ASH1L: variants seen among roughly 807,000 people sequenced by gnomAD.
ASH1L encodes histone-lysine N-methyltransferase ASH1L.
A neutral mutation model predicts 269.0 loss-of-function variants in ASH1L; 23 were observed. The observed-to-expected ratio is 0.09, with a 90% CI of 0.06 to 0.12. The LOEUF (loss-of-function observed/expected upper bound fraction) is 0.12, where lower values mean the gene tolerates loss of function less well. Ranked by LOEUF, ASH1L falls within the 10% of genes least tolerant of loss-of-function variation. ASH1L has a pLI of 1.00. For missense variants in ASH1L, 2,912 were observed against 3,567.8 expected (o/e 0.82, Z 4.68); for synonymous variants, 1,187 against 1,253.5 (o/e 0.95, Z 1.12).
intron 5 of ASH1L, chr1:155,434,011 G>T (rs1332064067): frequency 1.3e-6 from 2 of 1,589,606 alleles, no homozygotes; most frequent in Non-Finnish European, 1.7e-6. Context: ...TCCGAGTGTG[G>T]TTCTGTAACC....
chr1:155,464,316 CCAT>C (rs1299515388), intron 3 of ASH1L, among the ~76,000 whole-genome samples: 1 of 152,100 alleles, frequency 6.6e-6, no homozygotes, highest in East Asian at 1.9e-4. Flanking sequence ...CAAAGAGTTC[CCAT>C]CATTTTTCAT....
chr1:155,505,440 A>T (rs1056938173), intron 2 of ASH1L, among the ~76,000 whole-genome samples: 3 of 152,222 alleles, frequency 2.0e-5, no homozygotes, highest in Non-Finnish European at 4.4e-5. Flanking sequence ...GTGGAAAAAC[A>T]AATCAAAGAA....
At chr1:155,341,125 C>T (rs991885303) in intron 25 of ASH1L, among the ~76,000 whole-genome samples, 1 of 151,680 alleles carries the variant, frequency 6.6e-6, no homozygotes, top group Admixed American at 6.6e-5. Context: ...GTGCGCGCCA[C>T]CACACCTGGC....
In ASH1L at chr1:155,453,121, G is replaced by A. The variant is rs894555217; in HGVS notation, c.5086+6676C>T. 3.3e-5 allele frequency among the ~76,000 whole-genome samples: 5 copies of A among 152,194 alleles called. No individual in the cohort carries two copies. In the East Asian group the frequency reaches 5.8e-4, roughly 18 times the overall value. ...TGAAATCCCAGCACTTTGGGGGGCC[G>A]AGGCAGGCAGATCATCTGTGGTTAG... On this transcript the variant is annotated intron_variant, in intron 4 of 27. Transcript: ENST00000392403.
In ASH1L at chr1:155,348,481, T is replaced by C. The variant is rs972082651; in HGVS notation, c.7555-577A>G. Among the ~76,000 whole-genome samples the C allele has an allele frequency of 4.6e-5, 7 of 152,084 alleles. No individual in the cohort carries two copies. The East Asian group carries it at 5.8e-4, about 13-fold the overall frequency. On this transcript the variant is annotated intron_variant, in intron 19 of 27. Transcript: ENST00000392403. ...ATAATTTCCTCTCTTCTATGCACCATACAATAGTCCATCCTGTCCTTTAAA... is the reference window on the plus strand; with the variant it reads ...ATAATTTCCTCTCTTCTATGCACCACACAATAGTCCATCCTGTCCTTTAAA...
At chr1:155,528,088 T>C (rs539401202) in intron 1 of ASH1L, among the ~76,000 whole-genome samples, 1 of 152,328 alleles carries the variant, frequency 6.6e-6, no homozygotes, top group South Asian at 2.1e-4. Context: ...GACCTCTTTC[T>C]GGAACTTCAG....
chr1:155,376,092 A>C (rs1015450830), intron 10 of ASH1L, among the ~76,000 whole-genome samples: 1 of 152,132 alleles, frequency 6.6e-6, no homozygotes, highest in East Asian at 1.9e-4. Flanking sequence ...CAACAGAGTG[A>C]TATCCTGTGT....
At chr1:155,421,652 C>A (rs556248737) in intron 5 of ASH1L, among the ~76,000 whole-genome samples, 54 of 149,374 alleles carry the variant, frequency 3.6e-4, no homozygotes, top group Non-Finnish European at 6.5e-4. Flanking sequence ...TCTTGGGCGA[C>A]AGAGCAAGAC....
chr1:155,375,457 A>G (rs1432027532), intron 10 of ASH1L, among the ~76,000 whole-genome samples: 1 of 152,184 alleles, frequency 6.6e-6, no homozygotes, highest in Non-Finnish European at 1.5e-5. Flanking sequence ...ATTTAGTACA[A>G]TTTGTCATTA....
intron 12 of ASH1L, among the ~76,000 whole-genome samples, chr1:155,369,339 G>A (rs745643256): frequency 7.2e-5 from 11 of 152,074 alleles, no homozygotes; most frequent in East Asian, 1.9e-4. Flanking sequence ...CCCAGCTACT[G>A]GGCAGGCTGA....
chr1:155,478,927 G>C lies in ASH1L; in HGVS notation c.3943C>G (p.Leu1315Val). 2 of 1,614,006 alleles carry C rather than the reference G, an allele frequency of 1.2e-6. No individual in the cohort carries two copies. Among genetic ancestry groups the C allele is most frequent in the Non-Finnish European group, 1.7e-6 (2 of 1,180,022 alleles). The change falls in exon 3 of 28, where the codon CTT (leucine) becomes GTT (valine). Residue 1315 changes from leucine to valine, a missense_variant. Transcript: ENST00000392403. This position sits in a 1 kb window ranked among gnomAD's most constrained non-coding sequence, Gnocchi z 4.6. ...HRSHHFIPRD[L>V]LPTIFRINFN... ...TTGATTCGAAAGATAGTTGGCAGAA[G>C]ATCTCGGGGGATAAAATGATGACTT...
Position 155,521,212 on chromosome 1 carries a change from A to G in ASH1L, c.308T>C (p.Leu103Ser). Residue 103 changes from leucine to serine, a missense_variant, in exon 2 of 28, where the codon TTG (leucine) becomes TCG (serine). Physicochemically the swap from Leu to Ser is moderately radical, Grantham distance 145. Coordinates refer to ENST00000392403, the MANE Select transcript of ASH1L (RefSeq NM_018489.3). ...GGCAGGTCGACATACATAGTTCTCC[A>G]AGTTCTTTGGAGGTTTTTTAGTTCT... Reference protein sequence around the residue: ...AKRTKKPPKNLENYVCRPAIK... With the variant: ...AKRTKKPPKNSENYVCRPAIK... 1.2e-6 allele frequency: 2 copies of G among 1,614,040 alleles called. No individual in the cohort carries two copies. Among genetic ancestry groups the G allele is most frequent in the Non-Finnish European group, 1.7e-6 (2 of 1,179,962 alleles).
At chr1:155,423,407 C>T (rs1036504416) in intron 5 of ASH1L, among the ~76,000 whole-genome samples, 1 of 151,682 alleles carries the variant, frequency 6.6e-6, no homozygotes, top group African/African-American at 2.4e-5. Flanking sequence ...GGTGAAACCC[C>T]GTCTCTACTA....
intron 2 of ASH1L, among the ~76,000 whole-genome samples, chr1:155,516,430 T>G (rs1056417097): frequency 3.3e-5 from 5 of 152,122 alleles, no homozygotes; most frequent in African/African-American, 1.2e-4. Flanking sequence ...TAGAAAACCC[T>G]AAAACATCAA....
At chr1:155,396,783 G>A (rs1275392365) in intron 6 of ASH1L, 1 of 150,646 alleles carries the variant, frequency 6.6e-6, no homozygotes, top group Non-Finnish European at 1.5e-5. Context: ...CCAACACAGT[G>A]AAACCCCATC....
chr1:155,434,381 G>A (rs1661901341), intron 5 of ASH1L: 4 of 1,426,478 alleles, frequency 2.8e-6, no homozygotes, highest in Non-Finnish European at 3.8e-6. Context: ...AAGGAATTGG[G>A]AACACAAAGG....
intron 1 of ASH1L, among the ~76,000 whole-genome samples, chr1:155,541,789 A>C (rs1352653569): frequency 6.6e-6 from 1 of 152,194 alleles, no homozygotes; most frequent in Admixed American, 6.6e-5. Context: ...TACTAGATTA[A>C]ATGTAAACAT....
At chr1:155,423,916 AG>A (rs1396730156) in intron 5 of ASH1L, among the ~76,000 whole-genome samples, 1 of 152,044 alleles carries the variant, frequency 6.6e-6, no homozygotes. Flanking sequence ...TAGTAGAGAC[AG>A]GGTTTCACCA....
At chr1:155,518,082 G>A (rs1389081706) in intron 2 of ASH1L, among the ~76,000 whole-genome samples, 1 of 152,026 alleles carries the variant, frequency 6.6e-6, no homozygotes, top group African/African-American at 2.4e-5. Flanking sequence ...TTACAGGCGT[G>A]AGCCACCACG....
Sources: gnomAD v4.1 joint callset for allele counts (sites outside exome capture counted in the v4.1 genomes callset) on GRCh38, gnomAD v4.1.1 for gene constraint, Gnocchi (gnomAD v3.1) non-coding constraint, MANE v1.5 for transcripts, NCBI Gene and HGNC (gene_info 2026-07-23, HGNC 2026-07-21) for gene names.